FRMD6: variants seen among roughly 807,000 people sequenced by gnomAD.
The protein encoded by FRMD6 is FERM domain-containing protein 6.
In FRMD6, 37 loss-of-function variants were observed where a neutral mutation model predicts 73.2. The observed-to-expected ratio is 0.51, with a 90% CI of 0.39 to 0.66. The LOEUF (loss-of-function observed/expected upper bound fraction) is 0.66, where lower values mean the gene tolerates loss of function less well. FRMD6 is among the 30% of genes least tolerant of loss of function. The pLI is 0.00. For synonymous variants in FRMD6, 273 were observed against 282.2 expected, an observed-to-expected ratio of 0.97 and a Z score of 0.33; for missense variants, 714 against 780.5, an observed-to-expected ratio of 0.91 and a Z score of 1.02.
chr14:51,544,474 C>T (rs1243311098), intron 1 of FRMD6, among the ~76,000 whole-genome samples: 1 of 151,988 alleles, frequency 6.6e-6, no homozygotes, highest in African/African-American at 2.4e-5. Context: ...AGGGAAGTTT[C>T]TACTTTGTTA....
chr14:51,691,844 C>T (rs748971958), intron 2 of FRMD6, among the ~76,000 whole-genome samples: 1 of 151,982 alleles, frequency 6.6e-6, no homozygotes, highest in Non-Finnish European at 1.5e-5. Context: ...ATCTGTCTGC[C>T]TCAGCCTCCC....
At chr14:51,534,126 C>T (rs539318749) in intron 1 of FRMD6, among the ~76,000 whole-genome samples, 5 of 152,300 alleles carry the variant, frequency 3.3e-5, no homozygotes, top group Non-Finnish European at 7.4e-5. Flanking sequence ...AGGGAACTCA[C>T]CCTGCTCCTG....
the FRMD6 span, among the ~76,000 whole-genome samples, chr14:51,423,731 G>A: frequency 2.3e-4 from 35 of 152,044 alleles, no homozygotes; most frequent in African/African-American, 7.5e-4. Context: ...TATTTCTTTT[G>A]TATCAGCAGA....
chr14:51,490,832 A>G (rs1882962138), intron 1 of FRMD6, among the ~76,000 whole-genome samples: 1 of 152,144 alleles, frequency 6.6e-6, no homozygotes, highest in Non-Finnish European at 1.5e-5. Context: ...CACCCTGTTG[A>G]AAATAAATAC....
At chr14:51,619,464 T>C (rs17124300) in intron 2 of FRMD6, among the ~76,000 whole-genome samples, 2,892 of 151,630 alleles carry the variant, frequency 0.019, 47 homozygotes, top group African/African-American at 0.043. Flanking sequence ...CGTAAACAAA[T>C]AGTTACCCTT....
At chr14:51,545,937 C>T (rs1886442616) in intron 1 of FRMD6, among the ~76,000 whole-genome samples, 2 of 151,784 alleles carry the variant, frequency 1.3e-5, no homozygotes, top group Non-Finnish European at 1.5e-5. Context: ...GTGATCTTGA[C>T]AAAATATTTG....
intron 2 of FRMD6, among the ~76,000 whole-genome samples, chr14:51,582,668 G>T (rs1187165542): frequency 1.3e-5 from 2 of 152,220 alleles, no homozygotes; most frequent in Non-Finnish European, 2.9e-5. Context: ...CCAGTGGAAT[G>T]TAATATTTGA....
the FRMD6 span, among the ~76,000 whole-genome samples, chr14:51,435,165 T>A: frequency 6.6e-6 from 1 of 152,198 alleles, no homozygotes; most frequent in African/African-American, 2.4e-5. Context: ...CAATGTCAAT[T>A]TCCTGGTTTT....
chr14:51,695,937 T>C (rs1403333756), intron 2 of FRMD6, among the ~76,000 whole-genome samples: 1 of 152,160 alleles, frequency 6.6e-6, no homozygotes, highest in Non-Finnish European at 1.5e-5. Flanking sequence ...TTTATTTTCC[T>C]AATCTGAGTT....
the FRMD6 span, among the ~76,000 whole-genome samples, chr14:51,453,903 G>A: frequency 6.6e-6 from 1 of 152,190 alleles, no homozygotes; most frequent in African/African-American, 2.4e-5. Flanking sequence ...TGTATACTCA[G>A]TTAGGTTGAG....
intron 2 of FRMD6, among the ~76,000 whole-genome samples, chr14:51,609,187 A>G (rs745658964): frequency 6.6e-6 from 1 of 152,216 alleles, no homozygotes; most frequent in Non-Finnish European, 1.5e-5. Flanking sequence ...CCTAGTTATG[A>G]ATATCCCAGT....
chr14:51,610,118 C>T (rs1200015140), intron 2 of FRMD6, among the ~76,000 whole-genome samples: 1 of 151,246 alleles, frequency 6.6e-6, no homozygotes, highest in Non-Finnish European at 1.5e-5. Flanking sequence ...GCTGACTCAT[C>T]TTTCAACTGG....
chr14:51,514,387 C>T (rs889060361), intron 1 of FRMD6, among the ~76,000 whole-genome samples: 1 of 152,098 alleles, frequency 6.6e-6, no homozygotes, highest in African/African-American at 2.4e-5. Context: ...AGGACAAATA[C>T]CTAATGCATG....
chr14:51,712,643 A>G (rs1897006877), intron 9 of FRMD6, 92 bp downstream of exon 9: 1 of 800,472 alleles, frequency 1.2e-6, no homozygotes, highest in South Asian at 1.6e-5. Flanking sequence ...TTTAAACAAT[A>G]TTGTCTCAGG....
chr14:51,495,072 A>G (rs1883217601), intron 1 of FRMD6, among the ~76,000 whole-genome samples: 1 of 152,198 alleles, frequency 6.6e-6, no homozygotes, highest in African/African-American at 2.4e-5. Flanking sequence ...CATACCTTCA[A>G]CACTTGACTT....
intron 1 of FRMD6, among the ~76,000 whole-genome samples, chr14:51,653,029 A>G (rs1448876313): frequency 2.0e-5 from 3 of 152,086 alleles, no homozygotes; most frequent in African/African-American, 7.2e-5. Context: ...ACACCTTTTC[A>G]TTTTTATTTT....
chr14:51,414,819 T>A, the FRMD6 span, among the ~76,000 whole-genome samples: 1 of 152,174 alleles, frequency 6.6e-6, no homozygotes, highest in Non-Finnish European at 1.5e-5. Context: ...TGTCCTCTTT[T>A]ATTGTGTTGA....
chr14:51,472,687 A>T, the FRMD6 span, among the ~76,000 whole-genome samples: 1 of 152,220 alleles, frequency 6.6e-6, no homozygotes, highest in African/African-American at 2.4e-5. Flanking sequence ...CCTGAATCTT[A>T]GCCTCAGCTC....
At chr14:51,698,615 A>C (rs72675833) in intron 3 of FRMD6, among the ~76,000 whole-genome samples, 13,727 of 152,094 alleles carry the variant, frequency 0.09, 858 homozygotes, top group Middle Eastern at 0.19. Context: ...TTGACATTAA[A>C]CTGACTTCTC....
Sources: gnomAD v4.1 joint callset for allele counts (sites outside exome capture counted in the v4.1 genomes callset) on GRCh38, gnomAD v4.1.1 for gene constraint, MANE v1.5 for transcripts, NCBI Gene and HGNC (gene_info 2026-07-23, HGNC 2026-07-21) for gene names.